Variants in NTM observed in about 807,000 individuals in gnomAD.
NTM encodes the protein IgLON family member 2.
Under a neutral mutation model 42.1 loss-of-function variants are expected in NTM, and 13 were observed. The ratio of observed to expected loss-of-function variants is 0.31; its 90% confidence interval spans 0.20 to 0.49. NTM has a LOEUF of 0.49. NTM is among the 20% of genes least tolerant of loss of function. The pLI, the probability that NTM is intolerant of heterozygous loss-of-function variation, is 0.99. For missense variants in NTM, 373 were observed against 452.8 expected, an observed-to-expected ratio of 0.82 and a Z score of 1.60; for synonymous variants, 187 against 179.2, an observed-to-expected ratio of 1.04 and a Z score of -0.35.
intron 3 of NTM, among the ~76,000 whole-genome samples, chr11:132,203,937 C>G (rs1013239044): frequency 2.6e-5 from 4 of 151,860 alleles, no homozygotes; most frequent in South Asian, 2.1e-4. Flanking sequence ...AAAAAAAACA[C>G]TGCAATTTTC....
Position 132,111,966 on chromosome 11 carries a change from CTT to C in NTM, c.168-34314_168-34313del, listed in dbSNP as rs2063269711. 2.6e-5 allele frequency among the ~76,000 whole-genome samples: 4 copies of C among 152,252 alleles called. No homozygotes were observed. The South Asian group carries it at 6.2e-4, about 24-fold the overall frequency. On this transcript the variant is annotated intron_variant, in intron 2 of 8. Transcript: ENST00000683400. ...GGCGTTTGGCAAAGGAAGAGAGAAA[CTT>C]TGCTTTTCTCAACAGAGGCTAGAAA... is the stretch of plus-strand genomic sequence containing the variant.
At chr11:132,082,517 G>A (rs1156749337) in intron 2 of NTM, among the ~76,000 whole-genome samples, 1 of 152,154 alleles carries the variant, frequency 6.6e-6, no homozygotes, top group African/African-American at 2.4e-5. Flanking sequence ...TGTGTTAAGG[G>A]ACAGAATTTT....
At chr11:131,807,218 G>T (rs2092542955) in intron 1 of NTM, among the ~76,000 whole-genome samples, 1 of 152,310 alleles carries the variant, frequency 6.6e-6, no homozygotes, top group African/African-American at 2.4e-5. Context: ...GTCATCAAGG[G>T]CCAGGAATAC....
intron 1 of NTM, among the ~76,000 whole-genome samples, chr11:131,464,882 G>T (rs1591747123): frequency 6.6e-6 from 1 of 152,194 alleles, no homozygotes; most frequent in South Asian, 2.1e-4. Context: ...TGCCGGTCTG[G>T]GTTGATAGCT....
chr11:131,788,524 C>T (rs2089638805), intron 1 of NTM, among the ~76,000 whole-genome samples: 1 of 152,056 alleles, frequency 6.6e-6, no homozygotes, highest in Non-Finnish European at 1.5e-5. Flanking sequence ...TTCCATTCTA[C>T]GTTATTAACA....
chr11:132,309,994 T>G, intron 5 of NTM, 118 bp from the exon 6 acceptor site: 2 of 1,255,640 alleles, frequency 1.6e-6, no homozygotes. Flanking sequence ...AGGCAGAACG[T>G]GCAGTGAGCC....
intron 1 of NTM, among the ~76,000 whole-genome samples, chr11:131,587,181 T>G (rs1417765435): frequency 6.6e-6 from 1 of 152,192 alleles, no homozygotes; most frequent in Non-Finnish European, 1.5e-5. Context: ...AAAGTTTAAT[T>G]ACATTTCCCA....
At chr11:131,573,026 A>G (rs1383263598) in intron 1 of NTM, among the ~76,000 whole-genome samples, 2 of 152,160 alleles carry the variant, frequency 1.3e-5, no homozygotes, top group Non-Finnish European at 2.9e-5. Flanking sequence ...TAAAGATCTC[A>G]GTGGAGCTGA....
At chr11:132,097,111 C>G (rs2061096221) in intron 2 of NTM, among the ~76,000 whole-genome samples, 1 of 152,170 alleles carries the variant, frequency 6.6e-6, no homozygotes, top group Non-Finnish European at 1.5e-5. Flanking sequence ...GACCAATGTT[C>G]CTGTAAATGG....
rs1565552653 is a variant in NTM at position 131,789,608 on chromosome 11, A to AAGGAGAAGG, written c.83-121954_83-121953insGAGAAGGAG. On this transcript the variant is annotated intron_variant, in intron 1 of 8. Transcript: ENST00000683400. ...GAAGAAGAAGAAGAAGAAGAAGAAGAAGAAGAAGAAGAAGAAGAAGAAGAA... is the reference window on the plus strand; with the variant it reads ...GAAGAAGAAGAAGAAGAAGAAGAAGAAGGAGAAGGAGAAGAAGAAGAAGAAGAAGAAGAA... Among the ~76,000 whole-genome samples the AAGGAGAAGG allele has an allele frequency of 1.8e-4, 14 of 78,002 alleles. 2 individuals carry two copies. Among genetic ancestry groups the AAGGAGAAGG allele is most frequent in the Non-Finnish European group, 2.9e-4 (11 of 37,642 alleles). 51.2% of individuals were successfully genotyped at this position (78,002 alleles called of 152,430 possible).
chr11:131,794,646 A>AATGT (rs71067338), intron 1 of NTM: 9 of 985,010 alleles, frequency 9.1e-6, no homozygotes, highest in Non-Finnish European at 1.1e-5. Context: ...TGAATGAATG[A>AATGT]GTAGTGCATA....
chr11:131,462,380 T>C (rs1167208348), intron 1 of NTM, among the ~76,000 whole-genome samples: 1 of 152,228 alleles, frequency 6.6e-6, no homozygotes, highest in Non-Finnish European at 1.5e-5. Context: ...ATGGTGACTT[T>C]TACTGGATGT....
chr11:131,741,878 A>G (rs1267452540), intron 1 of NTM, among the ~76,000 whole-genome samples: 1 of 152,224 alleles, frequency 6.6e-6, no homozygotes, highest in Non-Finnish European at 1.5e-5. Flanking sequence ...TACGCACCAT[A>G]GAATACTATG....
chr11:131,458,100 G>A (rs1951062756), intron 1 of NTM, among the ~76,000 whole-genome samples: 1 of 152,218 alleles, frequency 6.6e-6, no homozygotes, highest in Admixed American at 6.5e-5. Flanking sequence ...TGAGTAGAGA[G>A]GGAAGAAGTT....
At chr11:131,620,252 C>T (rs2062388877) in intron 1 of NTM, among the ~76,000 whole-genome samples, 1 of 152,202 alleles carries the variant, frequency 6.6e-6, no homozygotes, top group African/African-American at 2.4e-5. Context: ...GCCTCTTCAG[C>T]TGCACCAAGG....
At chr11:131,533,782 G>T (rs1430161463) in intron 1 of NTM, 1 of 152,264 alleles carries the variant, frequency 6.6e-6, no homozygotes, top group African/African-American at 2.4e-5. Flanking sequence ...AAGGGGAGAA[G>T]AGGCTACAAG....
chr11:131,620,893 A>G (rs371224849), intron 1 of NTM, among the ~76,000 whole-genome samples: 10 of 152,232 alleles, frequency 6.6e-5, no homozygotes, highest in African/African-American at 2.4e-4. Flanking sequence ...TGCCTAGAAG[A>G]GTACTTGGCA....
chr11:132,109,273 C>G (rs1164714747), intron 2 of NTM, among the ~76,000 whole-genome samples: 1 of 152,162 alleles, frequency 6.6e-6, no homozygotes, highest in Non-Finnish European at 1.5e-5. Flanking sequence ...TGAGGAATTG[C>G]CACACTGTCT....
chr11:131,760,606 C>G (rs2084003285), intron 1 of NTM, among the ~76,000 whole-genome samples: 1 of 152,128 alleles, frequency 6.6e-6, no homozygotes, highest in Admixed American at 6.5e-5. Flanking sequence ...TGCACTGTTT[C>G]CACGCACTGA....
Sources: allele counts gnomAD v4.1 joint callset (sites outside exome capture counted in the v4.1 genomes callset), GRCh38; gene constraint gnomAD v4.1.1; transcripts MANE v1.5; gene names NCBI Gene and HGNC (gene_info 2026-07-23, HGNC 2026-07-21).